ASB7: variants seen among roughly 807,000 people sequenced by gnomAD.
ASB7 encodes the protein ankyrin repeat and SOCS box containing 7.
ASB7 carries 4 observed loss-of-function variants against 32.5 expected under a neutral mutation model. The ratio of observed to expected loss-of-function variants is 0.12; its 90% CI spans 0.06 to 0.28. The LOEUF (loss-of-function observed/expected upper bound fraction) is 0.28. Among genes scored for constraint, ASB7 ranks in the 10% least tolerant of loss-of-function variants. ASB7 has a pLI of 1.00. For missense variants in ASB7, 181 were observed against 407.1 expected, an observed-to-expected ratio of 0.44 and a Z score of 4.78; for synonymous variants, 172 against 155.6, an observed-to-expected ratio of 1.11 and a Z score of -0.78.
chr15:100,623,357 C>G (rs1265566275), intron 4 of ASB7, among the ~76,000 whole-genome samples: 3 of 152,200 alleles, frequency 2.0e-5, no homozygotes, highest in African/African-American at 7.2e-5. Context: ...TAGCCGAGAT[C>G]ATGCCACTGC....
At chr15:100,617,193 C>T (rs2039751227) in intron 4 of ASB7, among the ~76,000 whole-genome samples, 1 of 152,216 alleles carries the variant, frequency 6.6e-6, no homozygotes, top group African/African-American at 2.4e-5. Context: ...CTCTTCCATC[C>T]CTGCCTCCAG....
intron 5 of ASB7, among the ~76,000 whole-genome samples, chr15:100,634,332 T>C (rs2039906564): frequency 2.6e-5 from 4 of 152,168 alleles, no homozygotes; most frequent in Admixed American, 1.3e-4. Flanking sequence ...TACACACATA[T>C]AAAAGTGAGG....
In ASB7 at chr15:100,603,165, C is replaced by A. The variant is rs546031508; in HGVS notation, c.-272-50C>A. On this transcript the variant is annotated intron_variant, in intron 1 of 5. Coordinates refer to ENST00000332783, the MANE Select transcript of ASB7 (RefSeq NM_198243.3). ...CTCCAGCCCCTTTCCTGAGCTCCCCCCTCCCCACCTCTGAGACACTACACC... is the reference window on the plus strand; with the variant it reads ...CTCCAGCCCCTTTCCTGAGCTCCCCACTCCCCACCTCTGAGACACTACACC... The A allele has an allele frequency of 2.3e-4, 92 of 394,042 alleles. No homozygotes were observed. The Middle Eastern group carries it at 3.7e-3, about 16-fold the overall frequency. The allele number at this position is 394,042 out of a possible 1,614,324, so 24.4% of individuals were successfully genotyped here. A position where few individuals can be genotyped will look rare whatever the true frequency, so the allele number is the denominator to read the frequency against.
chr15:100,646,108 C>A, intron 5 of ASB7: 1 of 396,666 alleles, frequency 2.5e-6, no homozygotes, highest in Non-Finnish European at 5.0e-6. Context: ...TACACTTGGG[C>A]AGCAGCATAG....
intron 5 of ASB7, among the ~76,000 whole-genome samples, chr15:100,639,293 A>T (rs1186416409): frequency 6.6e-6 from 1 of 152,258 alleles, no homozygotes; most frequent in Non-Finnish European, 1.5e-5. Context: ...ATACTATTTT[A>T]TAAATATCAC....
Position 100,650,868 on chromosome 15 carries a change from GGGTTACT to G in ASB7, c.*2410_*2416del, listed in dbSNP as rs1157685224. ...CACAATAACTAAAATGTCTCCAGGT[GGGTTACT>G]GGTAGATGATAGTGGTGACACCTGC... On this transcript the variant is annotated 3_prime_UTR_variant, in exon 6 of 6. Transcript: ENST00000332783. The G allele has an allele frequency of 1.3e-5, 2 of 152,210 alleles. No individual in the cohort carries two copies. Among genetic ancestry groups the G allele is most frequent in the Non-Finnish European group, 2.9e-5 (2 of 68,036 alleles). 9.4% of individuals were successfully genotyped at this position (152,210 alleles called of 1,614,324 possible).
intron 5 of ASB7, among the ~76,000 whole-genome samples, chr15:100,638,780 C>T (rs1207494682): frequency 1.3e-5 from 2 of 152,102 alleles, no homozygotes; most frequent in Non-Finnish European, 2.9e-5. Flanking sequence ...CCCATCAACC[C>T]GTCACCTAGG....
At chr15:100,616,707 C>CA (rs1567112927) in intron 4 of ASB7, among the ~76,000 whole-genome samples, 2 of 152,190 alleles carry the variant, frequency 1.3e-5, no homozygotes, top group Non-Finnish European at 2.9e-5. Context: ...TTACCTGATA[C>CA]CCTTTCCCTA....
chr15:100,613,562 T>A (rs755357558), intron 4 of ASB7, among the ~76,000 whole-genome samples: 203 of 152,296 alleles, frequency 1.3e-3, no homozygotes, highest in Non-Finnish European at 2.3e-3. Flanking sequence ...ACACAAAAAC[T>A]TCAGTTCTGA....
intron 4 of ASB7, among the ~76,000 whole-genome samples, chr15:100,613,456 A>G (rs2039713890): frequency 6.6e-6 from 1 of 152,268 alleles, no homozygotes; most frequent in African/African-American, 2.4e-5. Context: ...TGAAATGGGA[A>G]CTATGTGCCT....
chr15:100,611,290 T>C (rs1355434588), intron 3 of ASB7, among the ~76,000 whole-genome samples: 1 of 152,010 alleles, frequency 6.6e-6, no homozygotes, highest in African/African-American at 2.4e-5. Flanking sequence ...TGGGCTCAAG[T>C]GGTCCCTTTT....
In ASB7 at chr15:100,629,810, T is replaced by C. The variant is rs766775337; in HGVS notation, c.585T>C (p.Tyr195=). ...CCGTGATCAAAAGCAATCACTCTTA[T>C]TGCCGAATGTTCCTTCAGAGAGGGG... ...RYAVIKSNHS[Y]CRMFLQRGAD... The change falls in exon 5 of 6, where the codon TAT becomes TAC. Residue 195 remains tyrosine (Y), a synonymous_variant. Transcript: ENST00000332783. The surrounding 1 kb of genome is among the most constrained non-coding windows in gnomAD (Gnocchi z 6.8). The C allele has an allele frequency of 1.9e-6, 3 of 1,614,144 alleles. No homozygotes were observed. The highest frequency in any genetic ancestry group is 3.3e-5 in the Admixed American group (2 of 60,010).
intron 5 of ASB7, among the ~76,000 whole-genome samples, chr15:100,633,268 C>G (rs542228504): frequency 6.6e-6 from 1 of 151,232 alleles, no homozygotes; most frequent in African/African-American, 2.4e-5. Flanking sequence ...GAAGGTGTGA[C>G]CGATGTCAAG....
intron 2 of ASB7, among the ~76,000 whole-genome samples, chr15:100,603,651 A>G (rs1202199901): frequency 6.6e-6 from 1 of 151,988 alleles, no homozygotes; most frequent in Non-Finnish European, 1.5e-5. Flanking sequence ...GAATTCCTCA[A>G]TTCCTTGTTA....
At position 100,602,915 on chromosome 15, in the gene ASB7, TG is replaced by T. The variant is rs1166473575; in HGVS notation, c.-400del. The T allele has an allele frequency of 2.5e-6, 1 of 398,814 alleles. No individual in the cohort carries two copies. Among genetic ancestry groups the T allele is most frequent in the Non-Finnish European group, 4.4e-6 (1 of 226,284 alleles). The allele number at this position is 398,814 out of a possible 1,614,324, so 24.7% of individuals were successfully genotyped here. On this transcript the variant is annotated 5_prime_UTR_variant, in exon 1 of 6. It introduces an in-frame stop codon into an upstream open reading frame of the 5' UTR. Coordinates refer to ENST00000332783, the MANE Select transcript of ASB7 (RefSeq NM_198243.3). ...TCGGCTGTTCGGATGTTCGCCGGGC[TG>T]GGGCCGTGAGGCACCGAGGAGGATC...
chr15:100,644,716 G>A (rs1204455930), intron 5 of ASB7, among the ~76,000 whole-genome samples: 1 of 152,186 alleles, frequency 6.6e-6, no homozygotes, highest in Non-Finnish European at 1.5e-5. Context: ...TAAAGGAGAG[G>A]AACTCTGGGA....
At chr15:100,604,065 A>G (rs1471523405) in intron 2 of ASB7, among the ~76,000 whole-genome samples, 1 of 152,234 alleles carries the variant, frequency 6.6e-6, no homozygotes, top group Non-Finnish European at 1.5e-5. Flanking sequence ...TTTGCACAAT[A>G]TCTTATTAAT....
At chr15:100,613,008 A>G (rs2039710152) in intron 4 of ASB7, among the ~76,000 whole-genome samples, 1 of 152,228 alleles carries the variant, frequency 6.6e-6, no homozygotes. Flanking sequence ...TGACATATTA[A>G]TGTTTTTGCT....
At chr15:100,616,507 G>A (rs1567112876) in intron 4 of ASB7, among the ~76,000 whole-genome samples, 1 of 152,156 alleles carries the variant, frequency 6.6e-6, no homozygotes, top group South Asian at 2.1e-4. Context: ...TGGCTTTGGT[G>A]TATATGAGGT....
Sources: gnomAD v4.1 joint callset for allele counts (sites outside exome capture counted in the v4.1 genomes callset) on GRCh38, gnomAD v4.1.1 for gene constraint, Gnocchi (gnomAD v3.1) non-coding constraint, MANE v1.5 for transcripts, NCBI Gene and HGNC (gene_info 2026-07-23, HGNC 2026-07-21) for gene names.